The following RANBP2 variants were observed in gnomAD, a reference collection of about 807,000 sequenced individuals.
RANBP2 encodes RAN binding protein 2.
In RANBP2, 57 loss-of-function variants were observed where a neutral mutation model predicts 303.6. The ratio of observed to expected loss-of-function variants is 0.19; its 90% CI spans 0.15 to 0.23. The LOEUF is 0.23. RANBP2 is among the 10% of genes least tolerant of loss of function. The pLI, the probability that RANBP2 is intolerant of heterozygous loss-of-function variation, is 1.00. For synonymous variants in RANBP2, 1,167 were observed against 1,301.5 expected (o/e 0.90, Z 2.23); for missense variants, 3,138 against 3,780.8 (o/e 0.83, Z 4.46).
the RANBP2 span, among the ~76,000 whole-genome samples, chr2:109,688,083 G>C: frequency 5.9e-5 from 9 of 152,114 alleles, no homozygotes; most frequent in Non-Finnish European, 1.3e-4. Context: ...AGGGTCTTGG[G>C]ACCAGCAATG....
the RANBP2 span, among the ~76,000 whole-genome samples, chr2:109,054,604 G>A: frequency 6.6e-6 from 1 of 151,772 alleles, no homozygotes; most frequent in Non-Finnish European, 1.5e-5. Flanking sequence ...GGAGGCTGAG[G>A]CAGGGGAATT....
the RANBP2 span, among the ~76,000 whole-genome samples, chr2:109,573,808 T>C: frequency 1.2e-3 from 181 of 152,352 alleles, 1 homozygote; most frequent in African/African-American, 4.3e-3. Flanking sequence ...AATTTTTCTA[T>C]AGCTCCCTAA....
chr2:108,858,042 TC>T, the RANBP2 span, among the ~76,000 whole-genome samples: 1 of 152,204 alleles, frequency 6.6e-6, no homozygotes, highest in African/African-American at 2.4e-5. Context: ...TTTACCATTG[TC>T]CAGGTTACTC....
At chr2:109,030,665 G>T in the RANBP2 span, among the ~76,000 whole-genome samples, 1 of 152,086 alleles carries the variant, frequency 6.6e-6, no homozygotes, top group Non-Finnish European at 1.5e-5. Context: ...ACCAGCTTGG[G>T]GCCCCTCAGG....
the RANBP2 span, among the ~76,000 whole-genome samples, chr2:109,471,771 G>C: frequency 6.6e-6 from 1 of 152,220 alleles, no homozygotes; most frequent in Non-Finnish European, 1.5e-5. Flanking sequence ...AGCCATAGGA[G>C]ATAGACTAAT....
At chr2:109,349,549 T>C in the RANBP2 span, among the ~76,000 whole-genome samples, 1 of 152,244 alleles carries the variant, frequency 6.6e-6, no homozygotes, top group East Asian at 1.9e-4. Flanking sequence ...AGGTGGTCAC[T>C]CATGACCAAG....
the RANBP2 span, among the ~76,000 whole-genome samples, chr2:108,828,660 A>G: frequency 3.3e-5 from 5 of 152,346 alleles, no homozygotes; most frequent in East Asian, 9.6e-4. Flanking sequence ...CAAAATGAGT[A>G]TGAGCCTTAC....
chr2:109,649,280 G>A, the RANBP2 span, among the ~76,000 whole-genome samples: 2 of 152,080 alleles, frequency 1.3e-5, no homozygotes, highest in Non-Finnish European at 2.9e-5. Context: ...CTAAAGTCCT[G>A]GAGACTAAAT....
chr2:109,103,483 G>A, the RANBP2 span, among the ~76,000 whole-genome samples: 2 of 152,158 alleles, frequency 1.3e-5, no homozygotes, highest in South Asian at 2.1e-4. Context: ...ACTGGAAGGC[G>A]GGTGGGGTGG....
At chr2:108,729,785 T>C (rs1056936778) in intron 2 of RANBP2, among the ~76,000 whole-genome samples, 1 of 151,196 alleles carries the variant, frequency 6.6e-6, no homozygotes, top group African/African-American at 2.4e-5. Flanking sequence ...GCTGGCTCCA[T>C]CTTTGCTCAC....
chr2:109,020,305 C>A, the RANBP2 span, among the ~76,000 whole-genome samples: 3 of 152,136 alleles, frequency 2.0e-5, no homozygotes, highest in Non-Finnish European at 4.4e-5. Flanking sequence ...AAAGACAAGC[C>A]ACCACAGGCA....
chr2:109,620,979 A>T, the RANBP2 span, among the ~76,000 whole-genome samples: 1 of 152,208 alleles, frequency 6.6e-6, no homozygotes, highest in African/African-American at 2.4e-5. Flanking sequence ...AGCACCTGAA[A>T]ATTTAAAATA....
chr2:109,112,461 C>A, the RANBP2 span, among the ~76,000 whole-genome samples: 1 of 152,140 alleles, frequency 6.6e-6, no homozygotes, highest in Admixed American at 6.5e-5. Flanking sequence ...ACATCGTTTG[C>A]CCACTTTTTG....
At chr2:109,053,487 C>A in the RANBP2 span, among the ~76,000 whole-genome samples, 6 of 152,180 alleles carry the variant, frequency 3.9e-5, no homozygotes, top group African/African-American at 1.4e-4. Context: ...AAAGGCAGGG[C>A]AGACTGCTTT....
chr2:109,130,041 C>G, the RANBP2 span: 1 of 1,357,066 alleles, frequency 7.4e-7, no homozygotes, highest in Non-Finnish European at 9.5e-7. Flanking sequence ...CGGTTTTCCT[C>G]TCCGCGGCCG....
At chr2:109,730,823 T>C in the RANBP2 span, among the ~76,000 whole-genome samples, 1 of 144,272 alleles carries the variant, frequency 6.9e-6, no homozygotes, top group African/African-American at 2.7e-5. Context: ...AGTTTCACTC[T>C]TGTTGCCCAG....
At chr2:109,574,557 A>G in the RANBP2 span, 2 of 1,409,758 alleles carry the variant, frequency 1.4e-6, no homozygotes, top group Non-Finnish European at 1.9e-6. Context: ...AAGTATGGTA[A>G]GTTGATTCCT....
chr2:109,076,910 A>G, the RANBP2 span, among the ~76,000 whole-genome samples: 1 of 150,592 alleles, frequency 6.6e-6, no homozygotes, highest in South Asian at 2.1e-4. Flanking sequence ...TTTATATGGT[A>G]CCACAAAAGA....
At chr2:109,233,222 G>T in the RANBP2 span, among the ~76,000 whole-genome samples, 1 of 152,182 alleles carries the variant, frequency 6.6e-6, no homozygotes, top group Non-Finnish European at 1.5e-5. Context: ...CCAGGTTCTT[G>T]TCCAGCACCC....
Sources: allele counts gnomAD v4.1 joint callset (sites outside exome capture counted in the v4.1 genomes callset), GRCh38; gene constraint gnomAD v4.1.1; transcripts MANE v1.5; gene names NCBI Gene and HGNC (gene_info 2026-07-23, HGNC 2026-07-21).